CRKL: variants seen among roughly 807,000 people sequenced by gnomAD.
CRKL encodes the protein crk-like protein.
CRKL carries 3 observed loss-of-function variants against 23.0 expected under a neutral mutation model. That is an observed-to-expected ratio of 0.13 (90% CI 0.06 to 0.34). The LOEUF is 0.34. Among genes scored for constraint, CRKL ranks in the 10% least tolerant of loss-of-function variants. The pLI, the probability that CRKL is intolerant of heterozygous loss-of-function variation, is 1.00. For missense variants in CRKL, 256 were observed against 394.5 expected (o/e 0.65, Z 2.97); for synonymous variants, 188 against 160.7 (o/e 1.17, Z -1.28).
Position 20,934,181 on chromosome 22 carries a change from C to T in CRKL, c.714C>T (p.Val238=). The change falls in exon 2 of 3, where the codon GTC becomes GTT. Residue 238 remains valine, a synonymous_variant. Transcript: ENST00000354336. Reference sequence around the variant, plus strand: ...TGCCATCCACACAGAATGGACCTGTCTTTGCGAAAGCAATCCAGAAAAGAG... The same window carrying T: ...TGCCATCCACACAGAATGGACCTGTTTTTGCGAAAGCAATCCAGAAAAGAG... ...TPLPSTQNGP[V]FAKAIQKRVP... is the part of the protein sequence containing the mutation. The T allele has an allele frequency of 6.2e-7, 1 of 1,614,240 alleles. No homozygotes were observed. The highest frequency in any genetic ancestry group is 8.5e-7 in the Non-Finnish European group (1 of 1,180,046).
intron 1 of CRKL, among the ~76,000 whole-genome samples, chr22:20,923,242 A>C (rs567101671): frequency 1.3e-5 from 2 of 151,982 alleles, no homozygotes; most frequent in African/African-American, 4.8e-5. Flanking sequence ...AGACAGCCCT[A>C]TCATGCTTCT....
chr22:20,943,278 C>CT (rs1183423936), intron 2 of CRKL, among the ~76,000 whole-genome samples: 1 of 152,054 alleles, frequency 6.6e-6, no homozygotes, highest in Non-Finnish European at 1.5e-5. Flanking sequence ...CTCTGTCGCC[C>CT]TGGCTGGAGT....
chr22:20,939,258 T>TGA (rs1159271761), intron 2 of CRKL, among the ~76,000 whole-genome samples: 7 of 67,646 alleles, frequency 1.0e-4, no homozygotes, highest in Non-Finnish European at 2.1e-4. Context: ...TTTTTTTTTT[T>TGA]GAGACAGAGT....
chr22:20,945,670 A>G (rs1179270588), intron 2 of CRKL, among the ~76,000 whole-genome samples: 1 of 152,196 alleles, frequency 6.6e-6, no homozygotes, highest in East Asian at 1.9e-4. Flanking sequence ...TAGCCAGGGC[A>G]CACAGACAGG....
chr22:20,938,053 T>C (rs1921728005), intron 2 of CRKL, among the ~76,000 whole-genome samples: 1 of 152,124 alleles, frequency 6.6e-6, no homozygotes, highest in African/African-American at 2.4e-5. Flanking sequence ...ATTAGGATAG[T>C]GGTGCCTGTC....
chr22:20,918,684 C>T (rs981382778), intron 1 of CRKL, among the ~76,000 whole-genome samples: 1 of 151,398 alleles, frequency 6.6e-6, no homozygotes, highest in Non-Finnish European at 1.5e-5. Flanking sequence ...CTCCGCCTCC[C>T]GGGTTCAAGC....
intron 1 of CRKL, among the ~76,000 whole-genome samples, chr22:20,926,892 G>T (rs115231676): frequency 6.6e-6 from 1 of 151,836 alleles, no homozygotes; most frequent in Non-Finnish European, 1.5e-5. Context: ...CAGGTGGATT[G>T]CCTGAGCTCA....
At chr22:20,944,771 A>C (rs1239490655) in intron 2 of CRKL, among the ~76,000 whole-genome samples, 4 of 150,376 alleles carry the variant, frequency 2.7e-5, no homozygotes, top group Non-Finnish European at 5.9e-5. Context: ...TCTTGGAGAC[A>C]GAGCCTCACT....
At chr22:20,942,186 G>T (rs1921906939) in intron 2 of CRKL, among the ~76,000 whole-genome samples, 1 of 152,178 alleles carries the variant, frequency 6.6e-6, no homozygotes, top group Non-Finnish European at 1.5e-5. Context: ...TTTGTCCTTT[G>T]GGTCTGAATT....
chr22:20,921,975 T>C (rs1339489310), intron 1 of CRKL, among the ~76,000 whole-genome samples: 1 of 149,548 alleles, frequency 6.7e-6, no homozygotes, highest in East Asian at 2.0e-4. Flanking sequence ...CCCAAAGTGC[T>C]GGAATTACAA....
intron 2 of CRKL, among the ~76,000 whole-genome samples, chr22:20,945,940 T>C (rs1162928174): frequency 6.6e-6 from 1 of 152,222 alleles, no homozygotes; most frequent in African/African-American, 2.4e-5. Flanking sequence ...TGTTTTGTTT[T>C]AGATATTTTG....
At chr22:20,931,406 C>A (rs1921447965) in intron 1 of CRKL, among the ~76,000 whole-genome samples, 1 of 151,440 alleles carries the variant, frequency 6.6e-6, no homozygotes. Context: ...GACCCTGTCT[C>A]AAAAAAAAGA....
At chr22:20,931,468 C>T (rs1446148282) in intron 1 of CRKL, among the ~76,000 whole-genome samples, 2 of 152,136 alleles carry the variant, frequency 1.3e-5, no homozygotes, top group Admixed American at 6.6e-5. Flanking sequence ...GTGTTCATGT[C>T]GGTACATTGG....
chr22:20,922,123 C>T (rs1921017118), intron 1 of CRKL, among the ~76,000 whole-genome samples: 1 of 149,702 alleles, frequency 6.7e-6, no homozygotes, highest in Non-Finnish European at 1.5e-5. Flanking sequence ...AGTGATTCTC[C>T]TACCTCAGCC....
At chr22:20,940,245 T>G (rs1436756286) in intron 2 of CRKL, among the ~76,000 whole-genome samples, 1 of 152,036 alleles carries the variant, frequency 6.6e-6, no homozygotes, top group Non-Finnish European at 1.5e-5. Context: ...AAAAAGACAG[T>G]GAGGTTGATC....
chr22:20,926,225 C>T (rs1921197436), intron 1 of CRKL, among the ~76,000 whole-genome samples: 1 of 152,198 alleles, frequency 6.6e-6, no homozygotes. Context: ...AGGGCCTCCT[C>T]AGCCTTGTAA....
At chr22:20,928,211 A>G (rs1921303708) in intron 1 of CRKL, among the ~76,000 whole-genome samples, 1 of 151,678 alleles carries the variant, frequency 6.6e-6, no homozygotes, top group African/African-American at 2.4e-5. Flanking sequence ...AGTCCCAAAT[A>G]GTGGGGAGGC....
At position 20,934,061 on chromosome 22, in the gene CRKL, T is replaced by A; in HGVS notation, c.594T>A (p.Tyr198Ter). ...ATGGAAATAGGAATTCCAACAGTTA[T>A]GGGATCCCAGAACCTGCTCATGCAT... is the stretch of plus-strand genomic sequence containing the variant. Reference protein sequence around the residue: ...GKHGNRNSNSYGIPEPAHAYA... With the variant: ...GKHGNRNSNS Residue 198 changes from tyrosine (Y) to a stop codon, truncating the protein, a stop_gained, in exon 2 of 3, where the codon TAT becomes TAA. Transcript: ENST00000354336. LOFTEE classifies it high-confidence loss of function. 6.2e-7 allele frequency: 1 copy of A among 1,614,210 alleles called. No individual in the cohort carries two copies. Among genetic ancestry groups the A allele is most frequent in the Non-Finnish European group, 8.5e-7 (1 of 1,180,040 alleles).
At chr22:20,930,459 A>G (rs1921400115) in intron 1 of CRKL, among the ~76,000 whole-genome samples, 1 of 152,070 alleles carries the variant, frequency 6.6e-6, no homozygotes, top group Admixed American at 6.6e-5. Flanking sequence ...AGCTCATTGC[A>G]ACCTCTGCCT....
Sources: gnomAD v4.1 joint callset for allele counts (sites outside exome capture counted in the v4.1 genomes callset) on GRCh38, gnomAD v4.1.1 for gene constraint, MANE v1.5 for transcripts, NCBI Gene and HGNC (gene_info 2026-07-23, HGNC 2026-07-21) for gene names.